Variants in LONRF2 observed in about 807,000 individuals in gnomAD.
LONRF2 encodes LON peptidase N-terminal domain and RING finger protein 2.
A neutral mutation model predicts 66.6 loss-of-function variants in LONRF2; 35 were observed. The ratio of observed to expected loss-of-function variants is 0.53; its 90% confidence interval spans 0.40 to 0.70. The LOEUF (loss-of-function observed/expected upper bound fraction) is 0.70. LONRF2 is among the 30% of genes least tolerant of loss of function. LONRF2 has a pLI of 0.00. For synonymous variants in LONRF2, 417 were observed against 418.1 expected (o/e 1.00, Z 0.03); for missense variants, 902 against 1,002.1 (o/e 0.90, Z 1.35).
chr2:100,308,859 G>A (rs954251984), intron 2 of LONRF2, among the ~76,000 whole-genome samples: 49 of 151,988 alleles, frequency 3.2e-4, no homozygotes, highest in Non-Finnish European at 1.6e-4. Flanking sequence ...AATGTAGAGA[G>A]CATATTATTC....
At position 100,287,051 on chromosome 2, in the gene LONRF2, C is replaced by T. The variant is rs1470986543; in HGVS notation, c.1933G>A (p.Glu645Lys). ...TGGAGAGCGGCAAGTTCTTCATACT[C>T]TGGACCCTCCACCTGATCAGGGAAA... Reference protein sequence around the residue: ...YLEDEKVEGPEYEELAALHDS... With the variant: ...YLEDEKVEGPKYEELAALHDS... Residue 645 changes from glutamate (E) to lysine (K), a missense_variant, in exon 11 of 12, where the codon GAG becomes AAG. By Grantham distance (56) the Glu-to-Lys change is moderately conservative (BLOSUM62 1). Transcript: ENST00000393437. 1 of 1,613,848 alleles carries T rather than the reference C, an allele frequency of 6.2e-7. No individual in the cohort carries two copies. The highest frequency in any genetic ancestry group is 1.1e-5 in the South Asian group (1 of 90,992).
intron 9 of LONRF2, among the ~76,000 whole-genome samples, chr2:100,291,183 T>C: frequency 6.6e-6 from 1 of 151,462 alleles, no homozygotes; most frequent in South Asian, 2.1e-4. Flanking sequence ...AGCTATTTTT[T>C]TTTTAAACAA....
chr2:100,322,175 G>C lies in LONRF2; in HGVS notation c.-82C>G. 1 of 1,196,462 alleles carries C rather than the reference G, an allele frequency of 8.4e-7. No homozygotes were observed. The highest frequency in any genetic ancestry group is 1.0e-6 in the Non-Finnish European group (1 of 961,514). The allele number at this position is 1,196,462 out of a possible 1,614,324, so 74.1% of individuals were successfully genotyped here. A position where few individuals can be genotyped will look rare whatever the true frequency, so the allele number is the denominator to read the frequency against. ...CGCTGCTGCTGGGAACTGGCCGGCGGGAGCGCGGTCTCAGCCCTCGCCAGC... is the reference window on the plus strand; with the variant it reads ...CGCTGCTGCTGGGAACTGGCCGGCGCGAGCGCGGTCTCAGCCCTCGCCAGC... On this transcript the variant is annotated 5_prime_UTR_variant, in exon 1 of 12. Transcript: ENST00000393437.
chr2:100,315,347 A>G (rs1675484967), intron 1 of LONRF2, among the ~76,000 whole-genome samples: 1 of 152,214 alleles, frequency 6.6e-6, no homozygotes, highest in Non-Finnish European at 1.5e-5. Context: ...AATAGTTCCT[A>G]CATTCTTCTG....
chr2:100,318,680 A>G (rs1192684249), intron 1 of LONRF2, among the ~76,000 whole-genome samples: 1 of 151,778 alleles, frequency 6.6e-6, no homozygotes, highest in African/African-American at 2.4e-5. Context: ...ACACACAAAA[A>G]AAATACGAGG....
chr2:100,299,067 G>A (rs1675126583), intron 6 of LONRF2, 117 bp from the exon 7 acceptor site: 2 of 893,454 alleles, frequency 2.2e-6, no homozygotes, highest in East Asian at 2.5e-5. Flanking sequence ...TCACTTGCAT[G>A]CACTTTCATT....
chr2:100,296,232 G>A (rs193082233), intron 7 of LONRF2, among the ~76,000 whole-genome samples: 1 of 152,266 alleles, frequency 6.6e-6, no homozygotes, highest in East Asian at 1.9e-4. Flanking sequence ...ACACAGATTA[G>A]TAGTTTGGTA....
intron 4 of LONRF2, 24 bp downstream of exon 4, chr2:100,300,620 C>T: frequency 6.3e-7 from 1 of 1,582,172 alleles, no homozygotes; most frequent in South Asian, 1.2e-5. Context: ...CAAGAGAATC[C>T]TGACAAATGC....
chr2:100,320,979 C>T (rs955861833), intron 1 of LONRF2, among the ~76,000 whole-genome samples: 19 of 152,340 alleles, frequency 1.2e-4, no homozygotes, highest in Non-Finnish European at 2.2e-4. Context: ...GAGGCGGTTC[C>T]TTCCTGGCTA....
rs1675564715 is a variant in LONRF2, at chr2:100,318,840, A to AAAAG, written c.679+2574_679+2575insCTTT. Among the ~76,000 whole-genome samples, 2 of 150,958 alleles carry AAAAG rather than the reference A, an allele frequency of 1.3e-5. 1 individual carries two copies. The highest frequency in any genetic ancestry group is 3.0e-5 in the Non-Finnish European group (2 of 67,716). ...GAGCGAGACCTTGTCTCAAAAAAAAAAAAAGAAAAGGCCAGGCATGGTGGC... is the reference window on the plus strand; with the variant it reads ...GAGCGAGACCTTGTCTCAAAAAAAAAAAAGAAAAGAAAAGGCCAGGCATGGTGGC... On this transcript the variant is annotated intron_variant, in intron 1 of 11. Transcript: ENST00000393437.
chr2:100,280,930 A>C lies in LONRF2; in HGVS notation c.*3368T>G, dbSNP rs1161168658. ...ATCACCTTTCTTCTTCATATCTTTC[A>C]CACTTCTTCTTATTTGATAGACAGT... On this transcript the variant is annotated 3_prime_UTR_variant, in exon 12 of 12. Transcript: ENST00000393437. The C allele has an allele frequency of 6.6e-6, 1 of 152,144 alleles. No individual in the cohort carries two copies. The highest frequency in any genetic ancestry group is 1.5e-5 in the Non-Finnish European group (1 of 68,026). 9.4% of individuals were successfully genotyped at this position (152,144 alleles called of 1,614,324 possible).
rs778337457 is a variant in LONRF2, at chr2:100,290,344, T to C, written c.1834A>G (p.Ile612Val). 4 of 1,614,104 alleles carry C rather than the reference T, an allele frequency of 2.5e-6. No individual in the cohort carries two copies. In the African/African-American group the frequency reaches 5.3e-5, roughly 22 times the overall value. ...FPDGSSVVDA[I>V]GISRFRVLSH... Reference sequence around the variant, plus strand: ...AGCACTCGGAACCGACTGATGCCAATCGCGTCTACAACAGAACTTCCATCA... The same window carrying C: ...AGCACTCGGAACCGACTGATGCCAACCGCGTCTACAACAGAACTTCCATCA... Residue 612 changes from isoleucine (I) to valine (V), a missense_variant, in exon 10 of 12, where the codon ATT becomes GTT. This residue lies in a region of LONRF2 where 317 missense variants were observed against 432.2 expected (regional missense o/e 0.73). Transcript: ENST00000393437.
At position 100,322,018 on chromosome 2, in the gene LONRF2, G is replaced by T. The variant is rs1461518124; in HGVS notation, c.76C>A (p.Arg26Ser). The change falls in exon 1 of 12, where the codon CGC becomes AGC. Residue 26 changes from arginine to serine, a missense_variant. Arg to Ser is a moderately radical substitution (Grantham distance 110, BLOSUM62 -1). Transcript: ENST00000393437. ...GCDRAEPIAQ[R>S]LEEGDEAFRA... ...AAGGCCTCGTCGCCCTCCTCTAAGCGCTGGGCGATCGGCTCCGCGCGGTCG... is the reference window on the plus strand; with the variant it reads ...AAGGCCTCGTCGCCCTCCTCTAAGCTCTGGGCGATCGGCTCCGCGCGGTCG... 7.1e-7 allele frequency: 1 copy of T among 1,414,950 alleles called. No homozygotes were observed. The allele number at this position is 1,414,950 out of a possible 1,614,324, so 87.6% of individuals were successfully genotyped here.
chr2:100,293,243 C>T (rs1438871763), intron 9 of LONRF2, among the ~76,000 whole-genome samples: 3 of 152,184 alleles, frequency 2.0e-5, no homozygotes, highest in African/African-American at 7.2e-5. Flanking sequence ...TGGCATTTCT[C>T]TCCTTTGATT....
intron 2 of LONRF2, 90 bp from the exon 3 acceptor site, chr2:100,303,133 C>A: frequency 1.6e-6 from 2 of 1,279,544 alleles, no homozygotes; most frequent in Non-Finnish European, 1.1e-6. Context: ...TTTATTAGAA[C>A]AATTTGTTTT....
chr2:100,288,986 C>T (rs1389761989), intron 10 of LONRF2, among the ~76,000 whole-genome samples: 1 of 152,136 alleles, frequency 6.6e-6, no homozygotes, highest in Non-Finnish European at 1.5e-5. Context: ...GCTAATTTGT[C>T]AAATTATATG....
intron 7 of LONRF2, 83 bp from the exon 8 acceptor site, chr2:100,295,636 G>A (rs1675050757): frequency 7.2e-7 from 1 of 1,390,782 alleles, no homozygotes; most frequent in African/African-American, 1.4e-5. Context: ...TGAACAAGGA[G>A]GTGGTGGGTG....
intron 10 of LONRF2, 94 bp from the exon 11 acceptor site, chr2:100,287,157 G>A: frequency 1.7e-6 from 2 of 1,177,708 alleles, no homozygotes; most frequent in East Asian, 2.8e-5. Flanking sequence ...GTGGATTTGT[G>A]GCAGTTAGCA....
At chr2:100,285,789 C>T (rs924420409) in intron 11 of LONRF2, among the ~76,000 whole-genome samples, 2 of 152,212 alleles carry the variant, frequency 1.3e-5, no homozygotes, top group Non-Finnish European at 2.9e-5. Flanking sequence ...GAAACGCATG[C>T]TGCCATCACC....
Sources: gnomAD v4.1 joint callset for allele counts (sites outside exome capture counted in the v4.1 genomes callset) on GRCh38, gnomAD v4.1.1 for gene constraint, gnomAD v4.1.1 regional missense constraint, MANE v1.5 for transcripts, NCBI Gene and HGNC (gene_info 2026-07-23, HGNC 2026-07-21) for gene names.